Variants in TBC1D32 observed in about 807,000 individuals in gnomAD.
TBC1D32 encodes TBC1 domain family member 32.
A neutral mutation model predicts 170.3 loss-of-function variants in TBC1D32; 151 were observed. The ratio of observed to expected loss-of-function variants is 0.89; its 90% CI spans 0.78 to 1.01. The LOEUF (loss-of-function observed/expected upper bound fraction) is 1.01, where lower values mean the gene tolerates loss of function less well. TBC1D32 is among the 50% of genes least tolerant of loss of function. The pLI, the probability that TBC1D32 is intolerant of heterozygous loss-of-function variation, is 0.00. For missense variants in TBC1D32, 1,464 were observed against 1,457.1 expected, an observed-to-expected ratio of 1.00 and a Z score of -0.08; for synonymous variants, 498 against 488.0, an observed-to-expected ratio of 1.02 and a Z score of -0.27.
At chr6:121,226,848 C>A (rs1174102896) in intron 20 of TBC1D32, among the ~76,000 whole-genome samples, 1 of 152,002 alleles carries the variant, frequency 6.6e-6, no homozygotes, top group South Asian at 2.1e-4. Flanking sequence ...GCTATAGTAT[C>A]AATATTTATA....
intron 15 of TBC1D32, among the ~76,000 whole-genome samples, chr6:121,270,603 C>A (rs147948602): frequency 0.033 from 4,995 of 152,064 alleles, 199 homozygotes; most frequent in East Asian, 0.12. Context: ...AGGCTCTGAA[C>A]TTGAGGCAAT....
At chr6:121,271,924 A>C (rs1038267084) in intron 15 of TBC1D32, among the ~76,000 whole-genome samples, 1 of 152,154 alleles carries the variant, frequency 6.6e-6, no homozygotes, top group Non-Finnish European at 1.5e-5. Context: ...GACCCATGGA[A>C]CAGAACAGAG....
chr6:121,264,169 A>G (rs1270615185), intron 15 of TBC1D32, among the ~76,000 whole-genome samples: 1 of 151,924 alleles, frequency 6.6e-6, no homozygotes, highest in Non-Finnish European at 1.5e-5. Flanking sequence ...AAAAAATAAA[A>G]TAGACCACTA....
intron 17 of TBC1D32, among the ~76,000 whole-genome samples, chr6:121,254,414 T>TA (rs1402223217): frequency 2.6e-5 from 4 of 151,938 alleles, no homozygotes; most frequent in African/African-American, 7.2e-5. Context: ...CTACTGAAAT[T>TA]AAAAATGAAA....
At chr6:121,112,954 T>C (rs539546327) in intron 28 of TBC1D32, 108 bp downstream of exon 28, 16 of 776,310 alleles carry the variant, frequency 2.1e-5, no homozygotes, top group African/African-American at 2.0e-4. Context: ...ATCACTAATA[T>C]AGCTTAAAGT....
Position 121,083,526 on chromosome 6 carries a change from C to T in TBC1D32, c.3655-2636G>A, listed in dbSNP as rs1373196573. Among the ~76,000 whole-genome samples, 7 of 152,000 alleles carry T rather than the reference C, an allele frequency of 4.6e-5. No individual in the cohort carries two copies. The East Asian group carries it at 5.8e-4, about 13-fold the overall frequency. On this transcript the variant is annotated intron_variant, in intron 31 of 31. Transcript: ENST00000398212. Reference sequence around the variant, plus strand: ...TCAATATTATATAATATGGTATATACGTAGTTTCCCTCTTTGCTTTGTGTA... The same window carrying T: ...TCAATATTATATAATATGGTATATATGTAGTTTCCCTCTTTGCTTTGTGTA...
At chr6:121,183,320 T>C (rs571024176) in intron 22 of TBC1D32, among the ~76,000 whole-genome samples, 116 of 152,222 alleles carry the variant, frequency 7.6e-4, no homozygotes, top group African/African-American at 2.6e-3. Flanking sequence ...TCTCAGAGGC[T>C]CCAAAAGTCT....
At chr6:121,128,539 A>G (rs1302251838) in intron 25 of TBC1D32, among the ~76,000 whole-genome samples, 5 of 152,158 alleles carry the variant, frequency 3.3e-5, no homozygotes, top group Non-Finnish European at 5.9e-5. Context: ...AAAGTAAACT[A>G]TAGAATATTG....
intron 24 of TBC1D32, among the ~76,000 whole-genome samples, chr6:121,133,087 T>C (rs528245079): frequency 6.6e-6 from 1 of 152,052 alleles, no homozygotes; most frequent in African/African-American, 2.4e-5. Context: ...TAATTGTTTC[T>C]GCTCTAAATT....
chr6:121,320,929 G>A (rs1006289391), intron 2 of TBC1D32, among the ~76,000 whole-genome samples: 4 of 151,888 alleles, frequency 2.6e-5, no homozygotes, highest in Admixed American at 2.0e-4. Context: ...TAACACTGAC[G>A]AGAAAAAAAA....
chr6:121,313,440 T>C (rs1287923571), intron 3 of TBC1D32, among the ~76,000 whole-genome samples: 1 of 151,836 alleles, frequency 6.6e-6, no homozygotes, highest in Non-Finnish European at 1.5e-5. Context: ...CGCGCCACTA[T>C]ACCTGGCTGA....
At position 121,246,760 on chromosome 6, in the gene TBC1D32, A is replaced by G. The variant is rs182825521; in HGVS notation, c.2019-4421T>C. The stretch of plus-strand genomic sequence containing the variant: ...ATACACTGGAAAGTTTCAACAACAG[A>G]CTAGAACAAGCAGAAGAAAGAATAT... On this transcript the variant is annotated intron_variant, in intron 17 of 31. Transcript: ENST00000398212. Among the ~76,000 whole-genome samples, 6 of 151,826 alleles carry G rather than the reference A, an allele frequency of 4.0e-5. No homozygotes were observed. In the East Asian group the frequency reaches 9.8e-4, roughly 25 times the overall value.
intron 17 of TBC1D32, among the ~76,000 whole-genome samples, chr6:121,246,946 A>C (rs117318356): frequency 0.011 from 1,713 of 152,208 alleles, 10 homozygotes; most frequent in Non-Finnish European, 0.018. Context: ...ATTTTAGGGA[A>C]TAATTGAGGA....
chr6:121,306,532 C>G (rs1335456408), intron 5 of TBC1D32, among the ~76,000 whole-genome samples: 1 of 152,054 alleles, frequency 6.6e-6, no homozygotes, highest in Non-Finnish European at 1.5e-5. Flanking sequence ...TCTGCTAATG[C>G]CTTAAATTCT....
intron 26 of TBC1D32, among the ~76,000 whole-genome samples, chr6:121,121,587 T>C (rs1283748970): frequency 6.6e-6 from 1 of 152,052 alleles, no homozygotes; most frequent in African/African-American, 2.4e-5. Flanking sequence ...GTTACTATTA[T>C]CGAATAATCT....
chr6:121,321,673 C>A lies in TBC1D32; in HGVS notation c.277G>T (p.Val93Phe). The A allele has an allele frequency of 6.2e-7, 1 of 1,613,946 alleles. No individual in the cohort carries two copies. Residue 93 changes from valine (V) to phenylalanine (F), a missense_variant, in exon 2 of 32, where the codon GTT (valine) becomes TTT (phenylalanine). This residue lies in a region of TBC1D32 where 1,363 missense variants were observed against 1,338.1 expected (regional missense o/e 1.02). Coordinates refer to ENST00000398212, the MANE Select transcript of TBC1D32 (RefSeq NM_152730.6). ...GTTCTTTTAGTGACCTGCTGTACAA[C>A]TGTATCATAGCCGCATTCTTCACCC... Reference protein sequence around the residue: ...NQGEECGYDTVVQQVTKRTQE... With the variant: ...NQGEECGYDTFVQQVTKRTQE...
chr6:121,287,277 A>C (rs1287702225), intron 12 of TBC1D32, among the ~76,000 whole-genome samples: 1 of 152,190 alleles, frequency 6.6e-6, no homozygotes, highest in Admixed American at 6.5e-5. Context: ...ACAGAGAAAC[A>C]CATAGGCTGA....
intron 30 of TBC1D32, among the ~76,000 whole-genome samples, chr6:121,095,284 C>T (rs1777266650): frequency 6.6e-6 from 1 of 152,126 alleles, no homozygotes; most frequent in South Asian, 2.1e-4. Flanking sequence ...TGCCAGAGGA[C>T]ATTAAGATGC....
chr6:121,088,743 A>T (rs961885306), intron 31 of TBC1D32, among the ~76,000 whole-genome samples: 1 of 152,204 alleles, frequency 6.6e-6, no homozygotes, highest in African/African-American at 2.4e-5. Context: ...GGTAAAAAGT[A>T]AGGTTAGTTC....
Sources: allele counts gnomAD v4.1 joint callset (sites outside exome capture counted in the v4.1 genomes callset), GRCh38; gene constraint gnomAD v4.1.1; regional missense constraint gnomAD v4.1.1; transcripts MANE v1.5; gene names NCBI Gene and HGNC (gene_info 2026-07-23, HGNC 2026-07-21).